The following FNIP1 variants were observed in gnomAD, a reference collection of about 807,000 sequenced individuals.
FNIP1 encodes the protein folliculin interacting protein 1.
FNIP1 carries 40 observed loss-of-function variants against 124.5 expected under a neutral mutation model. The ratio of observed to expected loss-of-function variants is 0.32; its 90% CI spans 0.25 to 0.42. FNIP1 has a LOEUF of 0.42. Ranked by LOEUF, FNIP1 falls within the 10% of genes least tolerant of loss-of-function variation. FNIP1 has a pLI of 1.00. For synonymous variants in FNIP1, 472 were observed against 470.6 expected, an observed-to-expected ratio of 1.00 and a Z score of -0.04; for missense variants, 1,176 against 1,403.7, an observed-to-expected ratio of 0.84 and a Z score of 2.59.
intron 10 of FNIP1, among the ~76,000 whole-genome samples, chr5:131,700,097 C>T (rs1009707287): frequency 1.3e-5 from 2 of 151,596 alleles, no homozygotes; most frequent in African/African-American, 2.4e-5. Flanking sequence ...GATTCTCCTG[C>T]CTCAGCCTCC....
chr5:131,650,474 T>C (rs1767008174), intron 16 of FNIP1, among the ~76,000 whole-genome samples: 1 of 152,270 alleles, frequency 6.6e-6, no homozygotes, highest in African/African-American at 2.4e-5. Context: ...TTTTGTATTA[T>C]GCAAATCTGC....
intron 6 of FNIP1, among the ~76,000 whole-genome samples, chr5:131,713,223 T>G (rs1338037975): frequency 6.6e-6 from 1 of 152,068 alleles, no homozygotes; most frequent in Non-Finnish European, 1.5e-5. Flanking sequence ...TTCTTTTGTG[T>G]TTTACAAAAG....
intron 1 of FNIP1, among the ~76,000 whole-genome samples, chr5:131,769,130 T>C (rs1395133508): frequency 6.6e-6 from 1 of 152,046 alleles, no homozygotes; most frequent in African/African-American, 2.4e-5. Flanking sequence ...CATGTAAACA[T>C]ACCAAGAAAG....
intron 2 of FNIP1, among the ~76,000 whole-genome samples, chr5:131,741,671 A>G (rs1464679738): frequency 2.0e-5 from 3 of 152,218 alleles, no homozygotes; most frequent in Non-Finnish European, 4.4e-5. Flanking sequence ...AGGTACTCAA[A>G]GTGAATTATG....
At chr5:131,725,744 G>A (rs1769838578) in intron 3 of FNIP1, among the ~76,000 whole-genome samples, 1 of 152,168 alleles carries the variant, frequency 6.6e-6, no homozygotes, top group East Asian at 1.9e-4. Flanking sequence ...TTGAATAGGA[G>A]TGGTGAGAGA....
intron 15 of FNIP1, among the ~76,000 whole-genome samples, chr5:131,663,728 T>A (rs1436796202): frequency 6.6e-6 from 1 of 152,242 alleles, no homozygotes; most frequent in Non-Finnish European, 1.5e-5. Context: ...GTCCCCTGGC[T>A]AGGCTGGGAA....
chr5:131,711,822 A>G (rs1274881408), intron 6 of FNIP1, among the ~76,000 whole-genome samples: 1 of 152,170 alleles, frequency 6.6e-6, no homozygotes, highest in Admixed American at 6.6e-5. Context: ...TTGCTAACAG[A>G]TATTATTTTT....
At chr5:131,768,353 T>C (rs1216121178) in intron 1 of FNIP1, among the ~76,000 whole-genome samples, 1 of 152,146 alleles carries the variant, frequency 6.6e-6, no homozygotes, top group Non-Finnish European at 1.5e-5. Flanking sequence ...CTTTCTGACA[T>C]TAACTCTATA....
chr5:131,658,211 T>TA (rs1294181382), intron 15 of FNIP1, among the ~76,000 whole-genome samples: 1 of 152,120 alleles, frequency 6.6e-6, no homozygotes, highest in Non-Finnish European at 1.5e-5. Flanking sequence ...AAATTGACGT[T>TA]AGACAATCTA....
intron 3 of FNIP1, among the ~76,000 whole-genome samples, chr5:131,722,562 A>AC (rs1454081566): frequency 2.6e-5 from 4 of 152,168 alleles, no homozygotes; most frequent in Non-Finnish European, 5.9e-5. Context: ...TTATCTCTTT[A>AC]CTACCTATCT....
At chr5:131,758,064 T>C (rs560410623) in intron 1 of FNIP1, among the ~76,000 whole-genome samples, 7 of 152,306 alleles carry the variant, frequency 4.6e-5, no homozygotes, top group South Asian at 2.1e-4. Flanking sequence ...TGGAAATCTA[T>C]AGACACATGA....
intron 15 of FNIP1, among the ~76,000 whole-genome samples, chr5:131,658,977 C>T (rs1480096111): frequency 2.8e-5 from 4 of 145,290 alleles, no homozygotes; most frequent in Non-Finnish European, 6.0e-5. Context: ...CCATGCTAAT[C>T]TCATCTTGTT....
At chr5:131,657,135 C>T (rs1005642239) in intron 15 of FNIP1, among the ~76,000 whole-genome samples, 1 of 149,388 alleles carries the variant, frequency 6.7e-6, no homozygotes, top group African/African-American at 2.5e-5. Context: ...TCTCAAGTAG[C>T]TGGGACTACA....
intron 7 of FNIP1, among the ~76,000 whole-genome samples, chr5:131,709,777 T>C (rs990699933): frequency 2.0e-5 from 3 of 152,190 alleles, no homozygotes; most frequent in African/African-American, 7.2e-5. Context: ...ATGGCTAATA[T>C]ATATTTTTGC....
intron 16 of FNIP1, among the ~76,000 whole-genome samples, chr5:131,648,671 ATATAAT>A (rs1332030221): frequency 1.3e-5 from 2 of 152,198 alleles, no homozygotes; most frequent in African/African-American, 4.8e-5. Flanking sequence ...ACTTTACAGT[ATATAAT>A]TATATAGTCC....
intron 11 of FNIP1, among the ~76,000 whole-genome samples, chr5:131,682,498 C>G (rs1474412705): frequency 6.6e-6 from 1 of 151,884 alleles, no homozygotes; most frequent in Admixed American, 6.6e-5. Flanking sequence ...GTGGGCGGAT[C>G]ACCTGAGGTT....
chr5:131,698,434 G>C (rs1768779761), intron 11 of FNIP1, among the ~76,000 whole-genome samples: 1 of 152,188 alleles, frequency 6.6e-6, no homozygotes, highest in Non-Finnish European at 1.5e-5. Context: ...TCAGGTACAA[G>C]CTTTGTTGAG....
Position 131,641,884 on chromosome 5 carries a change from T to A in FNIP1, c.*2801A>T, listed in dbSNP as rs1766729063. On this transcript the variant is annotated 3_prime_UTR_variant, in exon 18 of 18. Coordinates refer to ENST00000510461, the MANE Select transcript of FNIP1 (RefSeq NM_133372.3). ...AATCTCATAAGACATCTACCAGAAGTAGGCATTATGTAAAATCTGTTTTTT... is the reference window on the plus strand; with the variant it reads ...AATCTCATAAGACATCTACCAGAAGAAGGCATTATGTAAAATCTGTTTTTT... 6.5e-6 allele frequency: 1 copy of A among 152,736 alleles called. No homozygotes were observed. The highest frequency in any genetic ancestry group is 1.5e-5 in the Non-Finnish European group (1 of 68,024). 9.5% of individuals were successfully genotyped at this position (152,736 alleles called of 1,614,324 possible).
Position 131,679,152 on chromosome 5 carries a change from G to A in FNIP1, c.1226C>T (p.Thr409Met), listed in dbSNP as rs79530464. ...EFRTTICNLY[T>M]MPRIGEPVWL... ...GACAGGTTCTCCAATTCGTGGCATC[G>A]TGTAAAGATTACAAATTGTTGTTCT... The change falls in exon 12 of 18, where the codon ACG becomes ATG. Residue 409 changes from threonine (T) to methionine (M), a missense_variant. Thr to Met is a moderately conservative substitution (Grantham distance 81). This residue lies in a region of FNIP1 where 1,109 missense variants were observed against 1,288.5 expected (regional missense o/e 0.86). Transcript: ENST00000510461. The A allele has an allele frequency of 3.5e-5, 56 of 1,591,546 alleles. No individual in the cohort carries two copies. Among genetic ancestry groups the A allele is most frequent in the East Asian group, 2.7e-4 (12 of 44,628 alleles).
Sources: gnomAD v4.1 joint callset for allele counts (sites outside exome capture counted in the v4.1 genomes callset) on GRCh38, gnomAD v4.1.1 for gene constraint, gnomAD v4.1.1 regional missense constraint, MANE v1.5 for transcripts, NCBI Gene and HGNC (gene_info 2026-07-23, HGNC 2026-07-21) for gene names.